RNF13: variants seen among roughly 807,000 people sequenced by gnomAD.
The protein encoded by RNF13 is ring finger protein 13, also known as E3 ubiquitin-protein ligase RNF13.
In RNF13, 19 loss-of-function variants were observed where a neutral mutation model predicts 37.7. That is an observed-to-expected ratio of 0.50 (90% CI 0.35 to 0.74). The LOEUF is 0.74. Among genes scored for constraint, RNF13 ranks in the 30% least tolerant of loss-of-function variants. The pLI, the probability that RNF13 is intolerant of heterozygous loss-of-function variation, is 0.01. For missense variants in RNF13, 375 were observed against 453.0 expected (o/e 0.83, Z 1.56); for synonymous variants, 144 against 157.8 (o/e 0.91, Z 0.65).
chr3:149,886,073 T>A (rs1713993344), intron 4 of RNF13, among the ~76,000 whole-genome samples: 2 of 152,214 alleles, frequency 1.3e-5, no homozygotes, highest in Admixed American at 1.3e-4. Flanking sequence ...TGTTTTCTAT[T>A]CTGTTCCATT....
intron 1 of RNF13, among the ~76,000 whole-genome samples, chr3:149,818,673 G>A (rs958442327): frequency 2.0e-5 from 3 of 152,182 alleles, no homozygotes; most frequent in African/African-American, 7.2e-5. Flanking sequence ...AGCACTTTGG[G>A]AGGCTGAGGT....
chr3:149,942,034 A>T (rs188965135), intron 8 of RNF13, among the ~76,000 whole-genome samples: 84 of 152,102 alleles, frequency 5.5e-4, no homozygotes, highest in African/African-American at 1.9e-3. Flanking sequence ...ACAAGGGTTT[A>T]TTCCTAGGCT....
chr3:149,822,172 T>G (rs1720047818), intron 1 of RNF13, among the ~76,000 whole-genome samples: 1 of 152,164 alleles, frequency 6.6e-6, no homozygotes, highest in Admixed American at 6.5e-5. Flanking sequence ...CTTTTCCATT[T>G]CTGCATAAAA....
At chr3:149,956,531 G>A (rs1721884273) in intron 8 of RNF13, among the ~76,000 whole-genome samples, 1 of 152,114 alleles carries the variant, frequency 6.6e-6, no homozygotes, top group Non-Finnish European at 1.5e-5. Context: ...GCTTGAAATG[G>A]GGAAAAATCA....
chr3:149,841,434 A>G (rs115666033), intron 1 of RNF13, among the ~76,000 whole-genome samples: 1,835 of 152,002 alleles, frequency 0.012, 31 homozygotes, highest in African/African-American at 0.041. Context: ...ATTTAATAAG[A>G]TTTGTAGTTT....
chr3:149,913,365 G>A (rs1717180610), intron 7 of RNF13, among the ~76,000 whole-genome samples: 1 of 152,094 alleles, frequency 6.6e-6, no homozygotes, highest in Admixed American at 6.6e-5. Context: ...TTGGAATAAT[G>A]TTAAGATTTA....
chr3:149,832,816 C>T (rs891793645), intron 1 of RNF13, among the ~76,000 whole-genome samples: 2 of 152,074 alleles, frequency 1.3e-5, no homozygotes, highest in Non-Finnish European at 2.9e-5. Flanking sequence ...GACACAACCT[C>T]CCAACACTGA....
chr3:149,894,108 T>C (rs1321983727), intron 4 of RNF13, among the ~76,000 whole-genome samples: 3 of 152,200 alleles, frequency 2.0e-5, no homozygotes, highest in Admixed American at 2.0e-4. Flanking sequence ...ATGGAGGCTA[T>C]AAGATAAACA....
chr3:149,924,762 A>G (rs1718474218), intron 8 of RNF13, among the ~76,000 whole-genome samples: 1 of 152,306 alleles, frequency 6.6e-6, no homozygotes, highest in South Asian at 2.1e-4. Flanking sequence ...GGGAGCAAAG[A>G]AATGGGGTCA....
Position 149,896,979 on chromosome 3 carries a change from A to G in RNF13, c.409+1419A>G, listed in dbSNP as rs77475817. Among the ~76,000 whole-genome samples the G allele has an allele frequency of 9.2e-5, 14 of 152,326 alleles. No individual in the cohort carries two copies. In the East Asian group the frequency reaches 2.3e-3, roughly 25 times the overall value. ...TCAGGAATAGTTTGACAGCTACTAC[A>G]TGGGAATTACAGGACTTACTTAAGT... On this transcript the variant is annotated intron_variant, in intron 5 of 9. Transcript: ENST00000392894.
At chr3:149,912,560 AT>A (rs1366775804) in intron 7 of RNF13, among the ~76,000 whole-genome samples, 6 of 152,220 alleles carry the variant, frequency 3.9e-5, no homozygotes, top group Non-Finnish European at 5.9e-5. Context: ...CTGTAAAAAA[AT>A]AAGAGGAAAA....
chr3:149,899,291 TA>T (rs1454893757), intron 5 of RNF13, among the ~76,000 whole-genome samples: 3 of 151,774 alleles, frequency 2.0e-5, no homozygotes, highest in Non-Finnish European at 4.4e-5. Context: ...ACTAAATATA[TA>T]AAAAATTAGC....
intron 4 of RNF13, among the ~76,000 whole-genome samples, chr3:149,879,033 G>A (rs1228637150): frequency 1.3e-5 from 2 of 152,114 alleles, no homozygotes; most frequent in Non-Finnish European, 2.9e-5. Context: ...TTCTAGAACT[G>A]CAAAAACCCA....
chr3:149,951,846 G>T (rs1459246895), intron 8 of RNF13, among the ~76,000 whole-genome samples: 1 of 152,146 alleles, frequency 6.6e-6, no homozygotes, highest in Non-Finnish European at 1.5e-5. Flanking sequence ...GACTTAGAAA[G>T]GTCAAGTAAA....
intron 4 of RNF13, among the ~76,000 whole-genome samples, chr3:149,880,360 A>G (rs1040738251): frequency 1.1e-4 from 16 of 152,174 alleles, no homozygotes; most frequent in African/African-American, 3.9e-4. Flanking sequence ...CAGATCCTTT[A>G]TTTTAAATAT....
chr3:149,851,625 GTTC>G (rs1488566028), intron 2 of RNF13: 1 of 151,828 alleles, frequency 6.6e-6, no homozygotes, highest in Non-Finnish European at 1.5e-5. Context: ...AAACAAATGT[GTTC>G]TTTTTTTTTG....
intron 8 of RNF13, among the ~76,000 whole-genome samples, chr3:149,945,036 A>G (rs1720631957): frequency 6.6e-6 from 1 of 152,230 alleles, no homozygotes; most frequent in Non-Finnish European, 1.5e-5. Context: ...ATGGCTAGCC[A>G]GTTTTCCCAG....
At chr3:149,849,923 C>G (rs191752055) in intron 2 of RNF13, among the ~76,000 whole-genome samples, 2 of 151,622 alleles carry the variant, frequency 1.3e-5, no homozygotes, top group Admixed American at 6.6e-5. Context: ...TGGAGTCAAA[C>G]TTATGTGGTA....
At chr3:149,880,025 C>T (rs1482776948) in intron 4 of RNF13, among the ~76,000 whole-genome samples, 1 of 152,098 alleles carries the variant, frequency 6.6e-6, no homozygotes, top group Non-Finnish European at 1.5e-5. Flanking sequence ...CCTACAATAC[C>T]AGAAACAATT....
Sources: allele counts gnomAD v4.1 joint callset (sites outside exome capture counted in the v4.1 genomes callset), GRCh38; gene constraint gnomAD v4.1.1; transcripts MANE v1.5; gene names NCBI Gene and HGNC (gene_info 2026-07-23, HGNC 2026-07-21).